OR1J2: variants seen among roughly 807,000 people sequenced by gnomAD.
OR1J2 encodes olfactory receptor 1J2.
For synonymous variants in OR1J2, 142 were observed against 99.7 expected (o/e 1.42, Z -2.52); for missense variants, 304 against 246.1 (o/e 1.24, Z -1.57).
chr9:122,567,705 C>T, the OR1J2 span: 3 of 1,613,932 alleles, frequency 1.9e-6, no homozygotes, highest in Non-Finnish European at 8.5e-7. Flanking sequence ...TAAATAGACA[C>T]AGAAGATGCT....
chr9:122,573,461 T>A, the OR1J2 span, among the ~76,000 whole-genome samples: 1 of 152,210 alleles, frequency 6.6e-6, no homozygotes, highest in East Asian at 1.9e-4. Flanking sequence ...CAGTGGTATG[T>A]CATTGTTGTT....
chr9:122,471,190 A>G, the OR1J2 span, among the ~76,000 whole-genome samples: 97,060 of 152,058 alleles, frequency 0.64, 31,335 homozygotes, highest in Middle Eastern at 0.73. Context: ...TGTATCTCCA[A>G]TAATTCCCAT....
At chr9:122,517,553 C>G in the OR1J2 span, among the ~76,000 whole-genome samples, 1 of 152,114 alleles carries the variant, frequency 6.6e-6, no homozygotes, top group East Asian at 1.9e-4. Flanking sequence ...ATGAAATCCT[C>G]ACATTTTCTA....
the OR1J2 span, chr9:122,477,789 C>G: frequency 2.5e-6 from 4 of 1,613,900 alleles, no homozygotes; most frequent in East Asian, 6.7e-5. Context: ...GGATGAGCAG[C>G]ATGATGAGCA....
chr9:122,560,332 A>G, the OR1J2 span, among the ~76,000 whole-genome samples: 9 of 152,264 alleles, frequency 5.9e-5, no homozygotes, highest in African/African-American at 2.2e-4. Flanking sequence ...GTTTACATTT[A>G]AGGTTAATAT....
At chr9:122,546,624 CTCT>C in the OR1J2 span, among the ~76,000 whole-genome samples, 1 of 152,090 alleles carries the variant, frequency 6.6e-6, no homozygotes, top group African/African-American at 2.4e-5. Flanking sequence ...AAAGCAGATC[CTCT>C]TCTTTCACTT....
the OR1J2 span, among the ~76,000 whole-genome samples, chr9:122,572,579 G>GTTT: frequency 1.4e-5 from 2 of 147,972 alleles, no homozygotes; most frequent in East Asian, 2.0e-4. Context: ...TTTGGGTTTG[G>GTTT]TTTTTTTTTT....
chr9:122,540,650 C>A, the OR1J2 span, among the ~76,000 whole-genome samples: 21 of 152,174 alleles, frequency 1.4e-4, no homozygotes, highest in African/African-American at 4.6e-4. Flanking sequence ...CAATTCTGTG[C>A]AGAAAGTCAC....
At chr9:122,528,216 A>G in the OR1J2 span, among the ~76,000 whole-genome samples, 3 of 152,242 alleles carry the variant, frequency 2.0e-5, no homozygotes, top group Non-Finnish European at 4.4e-5. Flanking sequence ...TAAGAACTAG[A>G]TAGAACCTGA....
At chr9:122,539,425 C>A in the OR1J2 span, among the ~76,000 whole-genome samples, 12 of 152,126 alleles carry the variant, frequency 7.9e-5, no homozygotes, top group African/African-American at 2.9e-4. Flanking sequence ...TCACCCATGT[C>A]CCTACAAAGG....
chr9:122,547,606 C>T, the OR1J2 span, among the ~76,000 whole-genome samples: 1 of 147,964 alleles, frequency 6.8e-6, no homozygotes, highest in African/African-American at 2.5e-5. Flanking sequence ...TTTTTTATGG[C>T]TGAGTAGTAG....
the OR1J2 span, among the ~76,000 whole-genome samples, chr9:122,465,214 T>C: frequency 3.3e-5 from 5 of 152,110 alleles, no homozygotes; most frequent in African/African-American, 1.2e-4. Context: ...TTTGCGCGTC[T>C]GGGGAAAACT....
the OR1J2 span, among the ~76,000 whole-genome samples, chr9:122,560,362 C>G: frequency 6.6e-6 from 1 of 152,202 alleles, no homozygotes; most frequent in South Asian, 2.1e-4. Context: ...TGAATTTGAT[C>G]CTGTCATCAT....
the OR1J2 span, among the ~76,000 whole-genome samples, chr9:122,482,086 T>A: frequency 6.6e-6 from 1 of 151,930 alleles, no homozygotes; most frequent in Non-Finnish European, 1.5e-5. Flanking sequence ...ACCTACAGAA[T>A]GAAAGAAAAT....
At chr9:122,472,682 T>A in the OR1J2 span, among the ~76,000 whole-genome samples, 16 of 152,218 alleles carry the variant, frequency 1.1e-4, no homozygotes, top group Non-Finnish European at 2.4e-4. Context: ...AGAACAATCT[T>A]TCCACAGTGC....
chr9:122,511,718 G>C lies in OR1J2; in HGVS notation c.917G>C (p.Ser306Thr). The change falls in exon 1 of 1, where the codon AGT (serine) becomes ACT (threonine). Residue 306 changes from serine (S) to threonine (T), a missense_variant. Transcript: ENST00000335302. ...DMKEALGKLF[S>T]RATFFSW ...AAAGAGGCCCTTGGGAAACTCTTCA[G>C]TAGAGCAACATTTTTCTCTTGGTGA... is the stretch of plus-strand genomic sequence containing the variant. 1 of 780,986 alleles carries C rather than the reference G, an allele frequency of 1.3e-6. No individual in the cohort carries two copies. Among genetic ancestry groups the C allele is most frequent in the East Asian group, 2.4e-5 (1 of 41,252 alleles). The allele number at this position is 780,986 out of a possible 1,614,324, so 48.4% of individuals were successfully genotyped here.
the OR1J2 span, among the ~76,000 whole-genome samples, chr9:122,527,905 C>A: frequency 1.3e-5 from 2 of 152,132 alleles, no homozygotes. Context: ...AAGATTGTTT[C>A]CTTTAATCCT....
the OR1J2 span, among the ~76,000 whole-genome samples, chr9:122,517,694 G>T: frequency 6.6e-6 from 1 of 151,944 alleles, no homozygotes; most frequent in South Asian, 2.1e-4. Context: ...TGGTAACTTA[G>T]GTTTAGAATA....
chr9:122,567,347 C>T, the OR1J2 span: 1 of 437,078 alleles, frequency 2.3e-6, no homozygotes, highest in Non-Finnish European at 4.0e-6. Flanking sequence ...AGAGGAGACA[C>T]AGACAGGAAA....
Sources: gnomAD v4.1 joint callset for allele counts (sites outside exome capture counted in the v4.1 genomes callset) on GRCh38, gnomAD v4.1.1 for gene constraint, MANE v1.5 for transcripts, NCBI Gene and HGNC (gene_info 2026-07-23, HGNC 2026-07-21) for gene names.